Variants in ZNF608 observed in about 807,000 individuals in gnomAD.
ZNF608 encodes renal carcinoma antigen NY-REN-36.
A neutral mutation model predicts 109.0 loss-of-function variants in ZNF608; 12 were observed. The observed-to-expected ratio is 0.11, with a 90% confidence interval of 0.07 to 0.18. The LOEUF (loss-of-function observed/expected upper bound fraction) is 0.18. Among genes scored for constraint, ZNF608 ranks in the 10% least tolerant of loss-of-function variants. ZNF608 has a pLI of 1.00. For missense variants in ZNF608, 1,707 were observed against 1,879.3 expected (o/e 0.91, Z 1.70); for synonymous variants, 732 against 717.4 (o/e 1.02, Z -0.33).
chr5:124,665,431 G>A (rs920782709), intron 3 of ZNF608, among the ~76,000 whole-genome samples: 1 of 152,146 alleles, frequency 6.6e-6, no homozygotes, highest in African/African-American at 2.4e-5. Context: ...AAGAGCTCCT[G>A]CATTATAATT....
intron 3 of ZNF608, among the ~76,000 whole-genome samples, chr5:124,669,753 C>T (rs7708549): frequency 0.12 from 18,972 of 151,958 alleles, 2,121 homozygotes; most frequent in African/African-American, 0.3. Flanking sequence ...TCCCAAAACT[C>T]GCCAGATGAT....
At chr5:124,741,303 A>T (rs1034224529) in intron 2 of ZNF608, among the ~76,000 whole-genome samples, 2 of 151,938 alleles carry the variant, frequency 1.3e-5, no homozygotes, top group African/African-American at 4.8e-5. Context: ...AAACAGAATA[A>T]ACAGACCAAA....
intron 2 of ZNF608, chr5:124,710,072 G>T (rs1753427348): frequency 6.2e-6 from 2 of 324,870 alleles, no homozygotes; most frequent in Non-Finnish European, 1.2e-5. Context: ...AATAATGCAT[G>T]TATCTTAGTT....
intron 2 of ZNF608, among the ~76,000 whole-genome samples, chr5:124,713,508 C>T (rs1753580145): frequency 6.6e-6 from 1 of 152,190 alleles, no homozygotes; most frequent in African/African-American, 2.4e-5. Flanking sequence ...GAATTTCATA[C>T]TTCTCATCAG....
At chr5:124,652,008 C>T (rs1330292319) in intron 3 of ZNF608, among the ~76,000 whole-genome samples, 1 of 152,250 alleles carries the variant, frequency 6.6e-6, no homozygotes, top group Non-Finnish European at 1.5e-5. Context: ...CCACGCGGCT[C>T]CACACAACAC....
At chr5:124,747,298 G>A (rs1346006169), upstream of ZNF608, among the ~76,000 whole-genome samples, 1 of 151,002 alleles carries the variant, frequency 6.6e-6, no homozygotes, top group Non-Finnish European at 1.5e-5. Flanking sequence ...TGTTTAGTCA[G>A]ATGGCCCCGG....
chr5:124,663,932 GA>G lies in ZNF608; in HGVS notation c.1163-14236del, dbSNP rs1751377233. Among the ~76,000 whole-genome samples, 3 of 152,240 alleles carry G rather than the reference GA, an allele frequency of 2.0e-5. No homozygotes were observed. The South Asian group carries it at 6.2e-4, about 32-fold the overall frequency. On this transcript the variant is annotated intron_variant, in intron 3 of 9. Coordinates refer to ENST00000513986, the MANE Select transcript of ZNF608 (RefSeq NM_020747.3). ...TAATATTAGAGAGAATTAGATCAAGGAAACCTAAAATTTGCAATTAACCTTT... is the reference window on the plus strand; with the variant it reads ...TAATATTAGAGAGAATTAGATCAAGGAACCTAAAATTTGCAATTAACCTTT...
At chr5:124,672,482 A>G (rs1202749112) in intron 3 of ZNF608, among the ~76,000 whole-genome samples, 1 of 152,232 alleles carries the variant, frequency 6.6e-6, no homozygotes, top group Non-Finnish European at 1.5e-5. Context: ...CTGTCTCCTG[A>G]TACTAAATGA....
intron 3 of ZNF608, among the ~76,000 whole-genome samples, chr5:124,693,413 T>C (rs892861178): frequency 3.9e-5 from 6 of 152,198 alleles, no homozygotes; most frequent in Non-Finnish European, 8.8e-5. Flanking sequence ...TATTACAAGA[T>C]AGCGCTTACA....
chr5:124,736,702 C>T (rs977315635), intron 2 of ZNF608, among the ~76,000 whole-genome samples: 1 of 152,164 alleles, frequency 6.6e-6, no homozygotes, highest in African/African-American at 2.4e-5. Context: ...ATACCAAAAG[C>T]GGCCAGAGGG....
At chr5:124,735,006 GT>G (rs1749078749) in intron 2 of ZNF608, 1 of 152,132 alleles carries the variant, frequency 6.6e-6, no homozygotes, top group African/African-American at 2.4e-5. Flanking sequence ...TAGTTGCTTT[GT>G]TTTGTTTTAA....
At chr5:124,743,049 C>T (rs766807784) in intron 2 of ZNF608, among the ~76,000 whole-genome samples, 2 of 152,138 alleles carry the variant, frequency 1.3e-5, no homozygotes, top group Non-Finnish European at 1.5e-5. Context: ...GGACAGAACA[C>T]CTTCTGTTCC....
intron 3 of ZNF608, among the ~76,000 whole-genome samples, chr5:124,697,421 T>C (rs946600989): frequency 5.9e-5 from 9 of 152,148 alleles, no homozygotes; most frequent in African/African-American, 2.2e-4. Context: ...CAGAGGCATG[T>C]GTGTCCCAAA....
chr5:124,700,838 CCAT>C (rs1753021768), intron 3 of ZNF608, among the ~76,000 whole-genome samples, 173 bp downstream of exon 3: 10 of 152,296 alleles, frequency 6.6e-5, no homozygotes, highest in Admixed American at 2.0e-4. Context: ...TTAAAAGCAG[CCAT>C]GCACAAGAAG....
chr5:124,746,701 G>C, upstream of ZNF608: 1 of 985,240 alleles, frequency 1.0e-6, no homozygotes, highest in South Asian at 4.7e-5. Context: ...AAGAAGAAAG[G>C]ACTGAAAATC....
chr5:124,744,879 C>T lies in ZNF608; in HGVS notation c.111G>A (p.Leu37=). ...GTCTGTCCTTCTCCAAATCAGCGTCCAAATCAATTATTAAATTTCCAACCC... is the reference window on the plus strand; with the variant it reads ...GTCTGTCCTTCTCCAAATCAGCGTCTAAATCAATTATTAAATTTCCAACCC... ...EIGVGNLIID[L]DADLEKDRQK... is the part of the protein sequence containing the mutation. The change falls in exon 2 of 10, where the codon TTG becomes TTA. Residue 37 remains leucine, a synonymous_variant. Coordinates refer to ENST00000513986, the MANE Select transcript of ZNF608 (RefSeq NM_020747.3). This position sits in a 1 kb window ranked among gnomAD's most constrained non-coding sequence, Gnocchi z 4.5. 1 of 1,614,148 alleles carries T rather than the reference C, an allele frequency of 6.2e-7. No individual in the cohort carries two copies. The highest frequency in any genetic ancestry group is 8.5e-7 in the Non-Finnish European group (1 of 1,180,036).
In ZNF608 at chr5:124,647,272, C is replaced by A; in HGVS notation, c.3112G>T (p.Ala1038Ser). 6.2e-7 allele frequency: 1 copy of A among 1,614,234 alleles called. No homozygotes were observed. The highest frequency in any genetic ancestry group is 8.5e-7 in the Non-Finnish European group (1 of 1,180,050). ...TGCTCTGCCTTGTCTTTCTTTTCAG[C>A]ATCTTCCTCAGACTCCTTCTTGATC... ...MKIKKESEEDAEKKDKAEQLD... is the reference protein window; with the variant it reads ...MKIKKESEEDSEKKDKAEQLD... Residue 1038 changes from alanine (A) to serine (S), a missense_variant, in exon 5 of 10, where the codon GCT becomes TCT. Physicochemically the swap from Ala to Ser is moderately conservative, Grantham distance 99. Coordinates refer to ENST00000513986, the MANE Select transcript of ZNF608 (RefSeq NM_020747.3).
chr5:124,678,986 G>T (rs776398202), intron 3 of ZNF608, among the ~76,000 whole-genome samples: 1 of 152,158 alleles, frequency 6.6e-6, no homozygotes, highest in Non-Finnish European at 1.5e-5. Context: ...ACATGAAGGA[G>T]CAAGAAAACA....
At chr5:124,721,657 C>T (rs1009853398) in intron 2 of ZNF608, among the ~76,000 whole-genome samples, 2 of 151,964 alleles carry the variant, frequency 1.3e-5, no homozygotes, top group South Asian at 2.1e-4. Flanking sequence ...AGAGCCAGGC[C>T]GGGCACAGTG....
Sources: allele counts gnomAD v4.1 joint callset (sites outside exome capture counted in the v4.1 genomes callset), GRCh38; gene constraint gnomAD v4.1.1; non-coding constraint Gnocchi (gnomAD v3.1); transcripts MANE v1.5; gene names NCBI Gene and HGNC (gene_info 2026-07-23, HGNC 2026-07-21).